Variants in NFIL3 observed in about 807,000 individuals in gnomAD.
NFIL3 encodes the protein nuclear factor, interleukin 3 regulated.
NFIL3 carries 5 observed loss-of-function variants against 10.0 expected under a neutral mutation model. That is an observed-to-expected ratio of 0.50 (90% confidence interval 0.26 to 1.06). The LOEUF is 1.06. Among genes scored for constraint, NFIL3 ranks in the 50% least tolerant of loss-of-function variants. The pLI is 0.13. For missense variants in NFIL3, 436 were observed against 547.6 expected (o/e 0.80, Z 2.03); for synonymous variants, 202 against 206.5 (o/e 0.98, Z 0.19).
upstream of NFIL3, among the ~76,000 whole-genome samples, chr9:91,427,821 T>G (rs1426573320): frequency 3.3e-5 from 5 of 152,048 alleles, no homozygotes; most frequent in Non-Finnish European, 5.9e-5. Context: ...TTTAATTTTT[T>G]TTTTGTTAGA....
chr9:91,482,456 AT>A, the NFIL3 span, among the ~76,000 whole-genome samples: 4 of 152,006 alleles, frequency 2.6e-5, no homozygotes, highest in Admixed American at 2.0e-4. Flanking sequence ...GATGATGATG[AT>A]GATGATGGTG....
chr9:91,427,621 TG>T (rs1554728095), upstream of NFIL3, among the ~76,000 whole-genome samples: 3 of 18,954 alleles, frequency 1.6e-4, no homozygotes, highest in East Asian at 1.9e-3. Context: ...ATACCGTTTT[TG>T]TTGTTGTTGT....
chr9:91,450,064 ATGGC>A, the NFIL3 span, among the ~76,000 whole-genome samples: 4 of 151,972 alleles, frequency 2.6e-5, no homozygotes, highest in Admixed American at 6.6e-5. Context: ...ACTTTTATTT[ATGGC>A]TTTAGTCATT....
chr9:91,444,300 T>C, the NFIL3 span, among the ~76,000 whole-genome samples: 1 of 152,206 alleles, frequency 6.6e-6, no homozygotes, highest in Non-Finnish European at 1.5e-5. Context: ...ATCTATCTCT[T>C]TATTGAATTT....
chr9:91,439,884 TC>T, the NFIL3 span, among the ~76,000 whole-genome samples: 1 of 152,262 alleles, frequency 6.6e-6, no homozygotes, highest in Non-Finnish European at 1.5e-5. Flanking sequence ...TGATGTACAG[TC>T]TTTTTGGTGT....
chr9:91,453,533 A>C, the NFIL3 span, among the ~76,000 whole-genome samples: 1 of 152,068 alleles, frequency 6.6e-6, no homozygotes, highest in Non-Finnish European at 1.5e-5. Flanking sequence ...TTTTCCCAAC[A>C]TATTTCAAAA....
At chr9:91,460,271 C>T in the NFIL3 span, among the ~76,000 whole-genome samples, 426 of 70,246 alleles carry the variant, frequency 6.1e-3, no homozygotes, top group African/African-American at 0.02. Flanking sequence ...GGGCTTGGTT[C>T]TTTTTTTTTT....
At chr9:91,433,012 C>G in the NFIL3 span, among the ~76,000 whole-genome samples, 1 of 151,952 alleles carries the variant, frequency 6.6e-6, no homozygotes, top group African/African-American at 2.4e-5. Context: ...GGAAAATAAA[C>G]AGGAAACTCA....
chr9:91,473,009 C>T, the NFIL3 span, among the ~76,000 whole-genome samples: 4 of 152,206 alleles, frequency 2.6e-5, no homozygotes, highest in Non-Finnish European at 5.9e-5. Flanking sequence ...ACTCCAGACC[C>T]TGTTTGCCTG....
At chr9:91,477,870 G>A in the NFIL3 span, among the ~76,000 whole-genome samples, 1 of 151,850 alleles carries the variant, frequency 6.6e-6, no homozygotes, top group Non-Finnish European at 1.5e-5. Context: ...GGACACATGT[G>A]CTGAATGTAA....
the NFIL3 span, among the ~76,000 whole-genome samples, chr9:91,442,059 A>G: frequency 6.6e-6 from 1 of 152,176 alleles, no homozygotes; most frequent in Non-Finnish European, 1.5e-5. Context: ...CTAGGTATTC[A>G]TTATAGCAAT....
the NFIL3 span, among the ~76,000 whole-genome samples, chr9:91,466,377 G>A: frequency 1.3e-5 from 2 of 152,098 alleles, no homozygotes; most frequent in African/African-American, 4.8e-5. Flanking sequence ...AATACAGAAT[G>A]GTAGTGGATG....
upstream of NFIL3, among the ~76,000 whole-genome samples, chr9:91,424,302 C>T (rs1376964626): frequency 1.3e-5 from 2 of 152,210 alleles, no homozygotes; most frequent in Non-Finnish European, 2.9e-5. Context: ...GAGCCGCAGC[C>T]TGCTGGGCTA....
At chr9:91,420,182 T>C (rs140663963) in intron 1 of NFIL3, among the ~76,000 whole-genome samples, 4 of 152,224 alleles carry the variant, frequency 2.6e-5, no homozygotes, top group Non-Finnish European at 5.9e-5. Context: ...TGCAATCCTG[T>C]CAGGAATTCC....
chr9:91,479,441 ACT>A, the NFIL3 span, among the ~76,000 whole-genome samples: 2 of 152,180 alleles, frequency 1.3e-5, no homozygotes, highest in Admixed American at 1.3e-4. Context: ...CTTTGTTTAC[ACT>A]GTGAGGAGAA....
intron 1 of NFIL3, among the ~76,000 whole-genome samples, chr9:91,412,433 T>C (rs902179118): frequency 3.9e-5 from 6 of 152,338 alleles, no homozygotes; most frequent in African/African-American, 1.4e-4. Context: ...ACTGTGTTTC[T>C]AGACACTGAT....
chr9:91,458,058 GATTT>G, the NFIL3 span, among the ~76,000 whole-genome samples: 1 of 151,734 alleles, frequency 6.6e-6, no homozygotes, highest in Non-Finnish European at 1.5e-5. Context: ...CAGTGACTTA[GATTT>G]ATTTAGAATT....
rs1587960835 is a variant in NFIL3 at position 91,410,047 on chromosome 9, T to C, written c.688A>G (p.Arg230Gly). Residue 230 changes from arginine to glycine, a missense_variant, in exon 2 of 2, where the codon AGG (arginine) becomes GGG (glycine). Around this residue, in one of 3 missense-constraint regions of NFIL3, gnomAD observed 338 missense variants for 399.9 expected, o/e 0.85. Coordinates refer to ENST00000297689, the MANE Select transcript of NFIL3 (RefSeq NM_005384.3). This position sits in a 1 kb window ranked among gnomAD's most constrained non-coding sequence, Gnocchi z 5.7. ...QEPMELESYT[R>G]EPRDDRGSYT... ...GAGCCTCGGTCATCTCTTGGCTCCC[T>C]TGTGTAGCTCTCTAATTCCATCGGC... is the stretch of plus-strand genomic sequence containing the variant. 6.2e-7 allele frequency: 1 copy of C among 1,612,896 alleles called. No homozygotes were observed. Among genetic ancestry groups the C allele is most frequent in the South Asian group, 1.1e-5 (1 of 91,080 alleles).
the NFIL3 span, among the ~76,000 whole-genome samples, chr9:91,455,332 T>C: frequency 6.6e-6 from 1 of 152,240 alleles, no homozygotes; most frequent in Non-Finnish European, 1.5e-5. Flanking sequence ...TTTCCCTCTT[T>C]CCTTCTGCAT....
Sources: gnomAD v4.1 joint callset for allele counts (sites outside exome capture counted in the v4.1 genomes callset) on GRCh38, gnomAD v4.1.1 for gene constraint, gnomAD v4.1.1 regional missense constraint, Gnocchi (gnomAD v3.1) non-coding constraint, MANE v1.5 for transcripts, NCBI Gene and HGNC (gene_info 2026-07-23, HGNC 2026-07-21) for gene names.